Variants in CREB1 observed in about 807,000 individuals in gnomAD.
The protein encoded by CREB1 is cAMP responsive element binding protein 1.
In CREB1, 2 loss-of-function variants were observed where a neutral mutation model predicts 42.0. The ratio of observed to expected loss-of-function variants is 0.05; its 90% CI spans 0.02 to 0.15. The LOEUF (loss-of-function observed/expected upper bound fraction) is 0.15. Among genes scored for constraint, CREB1 ranks in the 10% least tolerant of loss-of-function variants. The pLI, the probability that CREB1 is intolerant of heterozygous loss-of-function variation, is 1.00. For missense variants in CREB1, 199 were observed against 388.9 expected (o/e 0.51, Z 4.11); for synonymous variants, 123 against 139.9 (o/e 0.88, Z 0.85).
chr2:207,556,303 T>G (rs1462463574), intron 2 of CREB1, among the ~76,000 whole-genome samples: 1 of 152,236 alleles, frequency 6.6e-6, no homozygotes, highest in Non-Finnish European at 1.5e-5. Flanking sequence ...CTCATTCTTA[T>G]GTTTTTGTTT....
At chr2:207,562,519 TGTCCATTAAG>T (rs2081993049) in intron 3 of CREB1, among the ~76,000 whole-genome samples, 2 of 152,344 alleles carry the variant, frequency 1.3e-5, no homozygotes, top group Non-Finnish European at 1.5e-5. Context: ...GGAACACATT[TGTCCATTAAG>T]GTCCATTAAG....
At chr2:207,581,371 G>A (rs764922219) in intron 7 of CREB1, 25 of 200,242 alleles carry the variant, frequency 1.2e-4, no homozygotes, top group Non-Finnish European at 1.8e-4. Flanking sequence ...AAATAAAGGT[G>A]TATTTTTATT....
intron 1 of CREB1, among the ~76,000 whole-genome samples, chr2:207,538,270 G>A (rs528984902): frequency 6.6e-6 from 1 of 152,038 alleles, no homozygotes; most frequent in African/African-American, 2.4e-5. Context: ...TCCAACAGAT[G>A]AGAAGGCAGT....
rs143222694 is a variant in CREB1 at position 207,598,486 on chromosome 2, TA to T, written c.*1444del. 3,260 of 168,830 alleles carry T rather than the reference TA, an allele frequency of 0.019. 32 individuals carry two copies. Among genetic ancestry groups the T allele is most frequent in the African/African-American group, 0.035 (1,439 of 40,818 alleles). 10.5% of individuals were successfully genotyped at this position (168,830 alleles called of 1,614,324 possible). On this transcript the variant is annotated 3_prime_UTR_variant, in exon 8 of 8. Coordinates refer to ENST00000353267, the MANE Select transcript of CREB1 (RefSeq NM_004379.5). ...GCTCGATAAATCTAACAGTTACTCT[TA>T]AAAAAAAAAAAAAAAGACTAAGGTG...
intron 1 of CREB1, 147 bp from the exon 2 acceptor site, chr2:207,555,481 A>T (rs777904486): frequency 2.0e-6 from 1 of 509,416 alleles, no homozygotes; most frequent in Non-Finnish European, 3.5e-6. Flanking sequence ...ATGGTAATTC[A>T]GCTACATTAT....
chr2:207,598,844 TAAAAATA>T lies in CREB1; in HGVS notation c.*1792_*1798del, dbSNP rs957596561. On this transcript the variant is annotated 3_prime_UTR_variant, in exon 8 of 8. Transcript: ENST00000353267. ...GCCTGGGCGACTCCATCTCAAAAAA[TAAAAATA>T]AAAAAAATGTCTCATTTGGGAAGGA... 9 of 64,704 alleles carry T rather than the reference TAAAAATA, an allele frequency of 1.4e-4. No individual in the cohort carries two copies. The highest frequency in any genetic ancestry group is 7.4e-4 in the African/African-American group (8 of 10,784). The allele number at this position is 64,704 out of a possible 1,614,324, so 4.0% of individuals were successfully genotyped here. A position where few individuals can be genotyped will look rare whatever the true frequency, so the allele number is the denominator to read the frequency against.
chr2:207,530,479 C>CCCGCCG (rs1451657850), intron 1 of CREB1, among the ~76,000 whole-genome samples: 1 of 144,320 alleles, frequency 6.9e-6, no homozygotes, highest in East Asian at 2.0e-4. Context: ...CGCCCGCGTT[C>CCCGCCG]CCGCCGCCGC....
In CREB1 at chr2:207,604,523, A is replaced by G. The variant is rs1217005896; in HGVS notation, c.*7465A>G. Among the ~76,000 whole-genome samples, 5 of 152,192 alleles carry G rather than the reference A, an allele frequency of 3.3e-5. No homozygotes were observed. The highest frequency in any genetic ancestry group is 1.2e-4 in the African/African-American group (5 of 41,448). ...AAGTGCAGTGACCAAACCGGATGAGAATTCTAACACGGGCCTGACATCAAA... is the reference window on the plus strand; with the variant it reads ...AAGTGCAGTGACCAAACCGGATGAGGATTCTAACACGGGCCTGACATCAAA... On this transcript the variant is annotated 3_prime_UTR_variant, in exon 8 of 8. Transcript: ENST00000353267.
In CREB1 at chr2:207,597,216, C is replaced by A; in HGVS notation, c.*158C>A. 1 of 767,934 alleles carries A rather than the reference C, an allele frequency of 1.3e-6. No individual in the cohort carries two copies. The highest frequency in any genetic ancestry group is 1.9e-6 in the Non-Finnish European group (1 of 518,028). 47.6% of individuals were successfully genotyped at this position (767,934 alleles called of 1,614,324 possible). A position where few individuals can be genotyped will look rare whatever the true frequency, so the allele number is the denominator to read the frequency against. ...AGAATTTCATTCATTTGTGCTTTTG[C>A]ATTAAACTGTGAATGTTCCAACACC... On this transcript the variant is annotated 3_prime_UTR_variant, in exon 8 of 8. Coordinates refer to ENST00000353267, the MANE Select transcript of CREB1 (RefSeq NM_004379.5).
rs200703008 is a variant in CREB1, at chr2:207,601,128, A to G, written c.*4070A>G. On this transcript the variant is annotated 3_prime_UTR_variant, in exon 8 of 8. Coordinates refer to ENST00000353267, the MANE Select transcript of CREB1 (RefSeq NM_004379.5). ...TTTTCAGTTGTTTTCAAGAGGCTTT[A>G]TTTTTGTTGCCTTTGTAGCCCTGAA... The G allele has an allele frequency of 3.1e-4, 2 of 6,492 alleles. No individual in the cohort carries two copies. Among genetic ancestry groups the G allele is most frequent in the African/African-American group, 5.3e-4 (1 of 1,904 alleles). The allele number at this position is 6,492 out of a possible 1,614,324, so 0.4% of individuals were successfully genotyped here. A position where few individuals can be genotyped will look rare whatever the true frequency, so the allele number is the denominator to read the frequency against.
chr2:207,568,144 A>G (rs1009844175), intron 4 of CREB1: 7 of 152,088 alleles, frequency 4.6e-5, no homozygotes, highest in African/African-American at 7.2e-5. Context: ...ATAAATCTTG[A>G]TAAGTTTACT....
chr2:207,591,817 T>C (rs1469694469), intron 7 of CREB1, among the ~76,000 whole-genome samples: 1 of 152,218 alleles, frequency 6.6e-6, no homozygotes, highest in African/African-American at 2.4e-5. Context: ...TTCTTGTAGA[T>C]GGCATATACT....
chr2:207,596,495 G>A (rs1306395431), intron 7 of CREB1, among the ~76,000 whole-genome samples: 1 of 152,174 alleles, frequency 6.6e-6, no homozygotes, highest in African/African-American at 2.4e-5. Context: ...GTGCAGTGGC[G>A]CAATCTCAGC....
rs984557181 is a variant in CREB1 at position 207,597,912 on chromosome 2, T to C, written c.*854T>C. On this transcript the variant is annotated 3_prime_UTR_variant, in exon 8 of 8. Transcript: ENST00000353267. ...ATCAGTAAACCAATCCCTTGAGTTA[T>C]ATAACAAGATTTTTAAATAAATGTT... 6 of 186,600 alleles carry C rather than the reference T, an allele frequency of 3.2e-5. No homozygotes were observed. Among genetic ancestry groups the C allele is most frequent in the African/African-American group, 9.3e-5 (4 of 42,878 alleles). The allele number at this position is 186,600 out of a possible 1,614,324, so 11.6% of individuals were successfully genotyped here. A position where few individuals can be genotyped will look rare whatever the true frequency, so the allele number is the denominator to read the frequency against.
At chr2:207,547,604 C>G (rs2081344969) in intron 1 of CREB1, among the ~76,000 whole-genome samples, 1 of 151,804 alleles carries the variant, frequency 6.6e-6, no homozygotes, top group African/African-American at 2.4e-5. Flanking sequence ...GTGAAACACC[C>G]ATTAAGTGGG....
At chr2:207,530,906 T>G (rs1469619880) in intron 1 of CREB1, among the ~76,000 whole-genome samples, 1 of 151,728 alleles carries the variant, frequency 6.6e-6, no homozygotes, top group Non-Finnish European at 1.5e-5. Flanking sequence ...CTGCCCTGTG[T>G]TGCTTAGTTG....
At chr2:207,595,122 A>G (rs1214687908) in intron 7 of CREB1, among the ~76,000 whole-genome samples, 1 of 149,854 alleles carries the variant, frequency 6.7e-6, no homozygotes, top group Non-Finnish European at 1.5e-5. Context: ...CAGCCTCCTG[A>G]GTAGCTGGGA....
intron 1 of CREB1, among the ~76,000 whole-genome samples, chr2:207,536,090 A>G (rs2080859420): frequency 2.6e-5 from 4 of 152,108 alleles, no homozygotes; most frequent in Admixed American, 2.0e-4. Context: ...TGGGATTACA[A>G]GCGTGAGCCA....
intron 3 of CREB1, among the ~76,000 whole-genome samples, chr2:207,561,663 A>G (rs1489084790): frequency 6.6e-6 from 1 of 151,948 alleles, no homozygotes; most frequent in Non-Finnish European, 1.5e-5. Flanking sequence ...TTCTTTAGCC[A>G]TTTATTAGAT....
Sources: allele counts gnomAD v4.1 joint callset (sites outside exome capture counted in the v4.1 genomes callset), GRCh38; gene constraint gnomAD v4.1.1; transcripts MANE v1.5; gene names NCBI Gene and HGNC (gene_info 2026-07-23, HGNC 2026-07-21).